Variants in ABHD3 observed in about 807,000 individuals in gnomAD.
ABHD3 encodes the protein phospholipase ABHD3.
ABHD3 carries 46 observed loss-of-function variants against 48.8 expected under a neutral mutation model. The observed-to-expected ratio is 0.94, with a 90% CI of 0.74 to 1.20. The LOEUF is 1.20. ABHD3 is among the 50% of genes most tolerant of loss of function. The pLI is 0.00. For synonymous variants in ABHD3, 192 were observed against 183.7 expected (o/e 1.04, Z -0.36); for missense variants, 490 against 497.8 (o/e 0.98, Z 0.15).
intron 3 of ABHD3, among the ~76,000 whole-genome samples, chr18:21,691,350 G>A (rs1462003836): frequency 1.3e-5 from 2 of 151,840 alleles, no homozygotes; most frequent in Non-Finnish European, 2.9e-5. Flanking sequence ...ATCGATAAAA[G>A]ATAAAAGTGA....
chr18:21,665,013 C>T (rs545437338), intron 4 of ABHD3, among the ~76,000 whole-genome samples: 106 of 151,878 alleles, frequency 7.0e-4, no homozygotes, highest in Non-Finnish European at 9.7e-4. Flanking sequence ...GATGTGATCT[C>T]GGCTCACTGC....
chr18:21,682,285 G>T (rs1410629399), intron 4 of ABHD3: 7 of 152,210 alleles, frequency 4.6e-5, no homozygotes, highest in Non-Finnish European at 8.8e-5. Flanking sequence ...TCCAGCCATA[G>T]TAAGTAGCTG....
intron 3 of ABHD3, among the ~76,000 whole-genome samples, chr18:21,696,143 CTTG>C (rs1381269245): frequency 6.1e-5 from 9 of 148,410 alleles, no homozygotes; most frequent in Non-Finnish European, 1.3e-4. Context: ...TGTTTTTCTC[CTTG>C]TTTTTTTTTT....
chr18:21,702,449 C>T lies in ABHD3; in HGVS notation c.376G>A (p.Asp126Asn), dbSNP rs770408447. 7 of 1,612,174 alleles carry T rather than the reference C, an allele frequency of 4.3e-6. No individual in the cohort carries two copies. In the South Asian group the frequency reaches 7.7e-5, roughly 18 times the overall value. ...DGGQISLDWF[D>N]NDNSTCYMDA... is the part of the protein sequence containing the mutation. ...ATATAACACGTACTGTTATCATTAT[C>T]AAACCAGTCCAGTGAAATCTGTCCT... is the stretch of plus-strand genomic sequence containing the variant. Residue 126 changes from aspartate (D) to asparagine (N), a missense_variant, in exon 3 of 9, where the codon GAT (aspartate) becomes AAT (asparagine). Coordinates refer to ENST00000289119, the MANE Select transcript of ABHD3 (RefSeq NM_138340.5).
chr18:21,685,773 A>G (rs899228850), intron 3 of ABHD3, among the ~76,000 whole-genome samples: 7 of 151,912 alleles, frequency 4.6e-5, no homozygotes, highest in Admixed American at 2.0e-4. Context: ...TCTCGGCTCA[A>G]TGCAACCTCC....
At position 21,683,916 on chromosome 18, in the gene ABHD3, T is replaced by G; in HGVS notation, c.555+4A>C. ...TAAGACTGTTGTCATTTAAATTTAC[T>G]TACCAAGAGATTCTCCCCCGCCACT... On this transcript the variant is annotated splice_donor_region_variant and intron_variant, in intron 4 of 8. Coordinates refer to ENST00000289119, the MANE Select transcript of ABHD3 (RefSeq NM_138340.5). 1 of 1,591,350 alleles carries G rather than the reference T, an allele frequency of 6.3e-7. No individual in the cohort carries two copies. Among genetic ancestry groups the G allele is most frequent in the South Asian group, 1.2e-5 (1 of 86,262 alleles).
intron 1 of ABHD3, 98 bp downstream of exon 1, chr18:21,704,406 G>T: frequency 8.4e-7 from 1 of 1,190,666 alleles, no homozygotes; most frequent in Non-Finnish European, 1.1e-6. Context: ...GCCTATCCCC[G>T]GGGCTGCCGA....
At chr18:21,698,939 CTT>C (rs59134939) in intron 3 of ABHD3, among the ~76,000 whole-genome samples, 33 of 147,740 alleles carry the variant, frequency 2.2e-4, no homozygotes, top group African/African-American at 7.9e-4. Context: ...GTACTTTACA[CTT>C]TTTTTTTTTT....
In ABHD3 at chr18:21,659,229, TG is replaced by T; in HGVS notation, c.782del (p.Pro261HisfsTer2). On this transcript the variant is annotated frameshift_variant, in exon 6 of 9. Transcript: ENST00000289119. LOFTEE classifies it high-confidence loss of function. ...AGTAATTAAAAAGTAGCCAGTTCAGTGGTTTTTCCAATGACTCTGAGCAAGC... is the reference window on the plus strand; with the variant it reads ...AGTAATTAAAAAGTAGCCAGTTCAGTGTTTTTCCAATGACTCTGAGCAAGC... ...TFACSESLEKPLNWLLFNYYL... is the reference protein window; with the variant it reads ...TFACSESLEKXLNWLLFNYYL... The T allele has an allele frequency of 3.1e-6, 5 of 1,613,950 alleles. No individual in the cohort carries two copies. Among genetic ancestry groups the T allele is most frequent in the Non-Finnish European group, 4.2e-6 (5 of 1,179,950 alleles).
chr18:21,660,479 C>T (rs1405935969), intron 5 of ABHD3, among the ~76,000 whole-genome samples: 1 of 152,046 alleles, frequency 6.6e-6, no homozygotes, highest in Non-Finnish European at 1.5e-5. Context: ...TGATTCTATG[C>T]TAATTCTATT....
intron 4 of ABHD3, among the ~76,000 whole-genome samples, chr18:21,674,920 G>A (rs142702888): frequency 2.0e-5 from 3 of 152,076 alleles, no homozygotes; most frequent in African/African-American, 7.2e-5. Flanking sequence ...CCACAGTGGG[G>A]TGGGGTGGAG....
At position 21,689,719 on chromosome 18, in the gene ABHD3, T is replaced by C. The variant is rs117556640; in HGVS notation, c.510-5754A>G. 2.6e-5 allele frequency among the ~76,000 whole-genome samples: 4 copies of C among 152,130 alleles called. No individual in the cohort carries two copies. In the East Asian group the frequency reaches 7.7e-4, roughly 29 times the overall value. On this transcript the variant is annotated intron_variant, in intron 3 of 8. Coordinates refer to ENST00000289119, the MANE Select transcript of ABHD3 (RefSeq NM_138340.5). ...TCTGACTAAAAGCTGGGCCCAAATC[T>C]CTAGTTGATCCCTCATCTATACATA...
intron 1 of ABHD3, among the ~76,000 whole-genome samples, chr18:21,704,053 G>C (rs1207714063): frequency 6.6e-6 from 1 of 152,198 alleles, no homozygotes; most frequent in Non-Finnish European, 1.5e-5. Flanking sequence ...CACCACGCCC[G>C]GCTAATTTTT....
intron 6 of ABHD3, among the ~76,000 whole-genome samples, chr18:21,657,734 T>C (rs1180205843): frequency 6.6e-6 from 1 of 152,088 alleles, no homozygotes; most frequent in East Asian, 1.9e-4. Flanking sequence ...ACAGTACTTT[T>C]AAAGTTTATA....
At chr18:21,693,154 A>T (rs1001789049) in intron 3 of ABHD3, among the ~76,000 whole-genome samples, 2 of 152,202 alleles carry the variant, frequency 1.3e-5, no homozygotes, top group African/African-American at 2.4e-5. Flanking sequence ...CCAGATTACA[A>T]CAGTGGGGCT....
chr18:21,687,446 C>T (rs1013026244), intron 3 of ABHD3, among the ~76,000 whole-genome samples: 5 of 152,006 alleles, frequency 3.3e-5, no homozygotes, highest in African/African-American at 1.2e-4. Context: ...TTCCTGACCT[C>T]GTGATCCACC....
intron 4 of ABHD3, among the ~76,000 whole-genome samples, chr18:21,674,355 C>G (rs1346714981): frequency 9.2e-5 from 14 of 151,880 alleles, no homozygotes; most frequent in African/African-American, 3.4e-4. Context: ...GATCCTCCTG[C>G]CTCAACCTCC....
chr18:21,657,244 C>G (rs538271674), intron 6 of ABHD3, 92 bp from the exon 7 acceptor site: 1 of 1,149,674 alleles, frequency 8.7e-7, no homozygotes, highest in African/African-American at 1.6e-5. Flanking sequence ...AACAGCCTAC[C>G]ACAGGGCACA....
rs748920944 is a variant in ABHD3 at position 21,703,682 on chromosome 18, A to T, written c.228T>A (p.Val76=). 1.3e-5 allele frequency: 21 copies of T among 1,613,958 alleles called. No homozygotes were observed. Among genetic ancestry groups the T allele is most frequent in the Non-Finnish European group, 1.8e-5 (21 of 1,180,006 alleles). Residue 76 remains valine, a synonymous_variant, in exon 2 of 9, where the codon GTT becomes GTA. Coordinates refer to ENST00000289119, the MANE Select transcript of ABHD3 (RefSeq NM_138340.5). ...SRFLQDHCPV[V]TETYYPTVWC... ...AGACCGTCGGGTAGTACGTTTCTGT[A>T]ACCACGGGACAGTGGTCTTGAAGGA...
Sources: gnomAD v4.1 joint callset for allele counts (sites outside exome capture counted in the v4.1 genomes callset) on GRCh38, gnomAD v4.1.1 for gene constraint, MANE v1.5 for transcripts, NCBI Gene and HGNC (gene_info 2026-07-23, HGNC 2026-07-21) for gene names.